The following PXDNL variants were observed in gnomAD, a reference collection of about 807,000 sequenced individuals.
PXDNL encodes probable oxidoreductase PXDNL.
In PXDNL, 145 loss-of-function variants were observed where a neutral mutation model predicts 150.8. That is an observed-to-expected ratio of 0.96 (90% CI 0.84 to 1.10). The LOEUF (loss-of-function observed/expected upper bound fraction) is 1.10. PXDNL is among the 50% of genes least tolerant of loss of function. PXDNL has a pLI of 0.00. For synonymous variants in PXDNL, 757 were observed against 725.7 expected (o/e 1.04, Z -0.69); for missense variants, 2,087 against 1,873.9 (o/e 1.11, Z -2.10).
At chr8:51,451,848 A>G (rs1199532987) in intron 10 of PXDNL, among the ~76,000 whole-genome samples, 1 of 152,214 alleles carries the variant, frequency 6.6e-6, no homozygotes, top group Non-Finnish European at 1.5e-5. Context: ...AAATAAATGT[A>G]TAGAATGATT....
At chr8:51,340,699 A>G (rs1171247383) in intron 20 of PXDNL, among the ~76,000 whole-genome samples, 9 of 152,246 alleles carry the variant, frequency 5.9e-5, no homozygotes, top group Admixed American at 5.9e-4. Context: ...AAAGAAAAAT[A>G]ACAAAAGTTA....
At chr8:51,751,776 TA>T in intron 1 of PXDNL, among the ~76,000 whole-genome samples, 1 of 152,312 alleles carries the variant, frequency 6.6e-6, no homozygotes, top group Middle Eastern at 3.4e-3. Flanking sequence ...TCAATAATCC[TA>T]AAAGAAAATA....
At chr8:51,690,450 G>A (rs1815969496) in intron 1 of PXDNL, among the ~76,000 whole-genome samples, 1 of 152,074 alleles carries the variant, frequency 6.6e-6, no homozygotes, top group Non-Finnish European at 1.5e-5. Context: ...ATAGTTTACT[G>A]AGAATGATGA....
intron 1 of PXDNL, among the ~76,000 whole-genome samples, chr8:51,685,391 A>G (rs956041577): frequency 6.6e-6 from 1 of 152,164 alleles, no homozygotes; most frequent in Non-Finnish European, 1.5e-5. Context: ...ATGTTCCCCA[A>G]TTACTATGGC....
chr8:51,640,251 T>C (rs918510483), intron 2 of PXDNL, among the ~76,000 whole-genome samples: 7 of 152,160 alleles, frequency 4.6e-5, no homozygotes, highest in Non-Finnish European at 1.0e-4. Context: ...AATATCACAC[T>C]GAATGGGCAA....
At chr8:51,574,189 A>C (rs1813003618) in intron 3 of PXDNL, among the ~76,000 whole-genome samples, 1 of 152,036 alleles carries the variant, frequency 6.6e-6, no homozygotes, top group Non-Finnish European at 1.5e-5. Flanking sequence ...AACTTTTTTA[A>C]ACCAGCCTTA....
At chr8:51,757,832 C>T (rs1012314314) in intron 1 of PXDNL, among the ~76,000 whole-genome samples, 20 of 152,084 alleles carry the variant, frequency 1.3e-4, no homozygotes, top group South Asian at 2.1e-4. Context: ...CTGCTGCTTC[C>T]GCCCCTTTTC....
intron 1 of PXDNL, among the ~76,000 whole-genome samples, chr8:51,670,742 C>CCA (rs1815482227): frequency 6.6e-6 from 1 of 151,978 alleles, no homozygotes; most frequent in Non-Finnish European, 1.5e-5. Flanking sequence ...ATTTGTTAAC[C>CCA]CACTGCATGA....
intron 4 of PXDNL, among the ~76,000 whole-genome samples, chr8:51,509,749 C>T (rs748397535): frequency 0.26 from 25,577 of 98,680 alleles, 2,461 homozygotes; most frequent in African/African-American, 0.38. Flanking sequence ...TATACACACA[C>T]ACACACACAC....
chr8:51,718,712 T>A (rs1206146325), intron 1 of PXDNL, among the ~76,000 whole-genome samples: 1 of 152,200 alleles, frequency 6.6e-6, no homozygotes, highest in East Asian at 1.9e-4. Flanking sequence ...GCTTGAAGTA[T>A]CTTGTTTCAC....
At chr8:51,449,941 A>T (rs1809765110) in intron 10 of PXDNL, among the ~76,000 whole-genome samples, 1 of 152,228 alleles carries the variant, frequency 6.6e-6, no homozygotes, top group South Asian at 2.1e-4. Context: ...AAGTAAAGGA[A>T]TCAAGAATGG....
rs1167582806 is a variant in PXDNL, at chr8:51,426,890, G to A, written c.1526-132C>T. 5.1e-6 allele frequency: 3 copies of A among 582,788 alleles called. No homozygotes were observed. The African/African-American group carries it at 5.6e-5, about 11-fold the overall frequency. The allele number at this position is 582,788 out of a possible 1,614,324, so 36.1% of individuals were successfully genotyped here. A position where few individuals can be genotyped will look rare whatever the true frequency, so the allele number is the denominator to read the frequency against. ...CTAGTTTTTTAAAAATCAATTACTT[G>A]GACGTCTAGGGGAATAACAAGCATC... On this transcript the variant is annotated intron_variant, in intron 12 of 22. Transcript: ENST00000356297.
At chr8:51,413,532 C>A (rs1481849728) in intron 14 of PXDNL, among the ~76,000 whole-genome samples, 1 of 151,992 alleles carries the variant, frequency 6.6e-6, no homozygotes, top group Non-Finnish European at 1.5e-5. Context: ...TCCTTTTGAA[C>A]AATGCTGATT....
At chr8:51,791,695 T>C (rs1280324852) in intron 1 of PXDNL, among the ~76,000 whole-genome samples, 1 of 152,194 alleles carries the variant, frequency 6.6e-6, no homozygotes, top group Non-Finnish European at 1.5e-5. Flanking sequence ...TCCCCCTTAG[T>C]AGAGTTAGCT....
intron 1 of PXDNL, among the ~76,000 whole-genome samples, chr8:51,775,352 A>G (rs1368627421): frequency 2.6e-5 from 4 of 152,194 alleles, no homozygotes; most frequent in Non-Finnish European, 5.9e-5. Context: ...CAAAAATACC[A>G]AAACCAACTT....
At chr8:51,797,214 A>G (rs557641846) in intron 1 of PXDNL, among the ~76,000 whole-genome samples, 3 of 152,216 alleles carry the variant, frequency 2.0e-5, no homozygotes, top group Non-Finnish European at 4.4e-5. Flanking sequence ...CACTGCAAAT[A>G]TCACACTGAA....
chr8:51,783,981 C>T (rs551250994), intron 1 of PXDNL, among the ~76,000 whole-genome samples: 1 of 144,328 alleles, frequency 6.9e-6, no homozygotes, highest in South Asian at 2.4e-4. Context: ...GATACACAGA[C>T]TGTGATTAAA....
At chr8:51,566,446 A>T (rs1414730330) in intron 3 of PXDNL, among the ~76,000 whole-genome samples, 1 of 151,804 alleles carries the variant, frequency 6.6e-6, no homozygotes, top group African/African-American at 2.4e-5. Context: ...GAAGGTTATT[A>T]ATTATTGATT....
At chr8:51,579,592 T>C (rs979760525) in intron 3 of PXDNL, among the ~76,000 whole-genome samples, 1 of 151,952 alleles carries the variant, frequency 6.6e-6, no homozygotes, top group African/African-American at 2.4e-5. Flanking sequence ...CTCCAGGATG[T>C]TTATTCTAAA....
Sources: allele counts gnomAD v4.1 joint callset (sites outside exome capture counted in the v4.1 genomes callset), GRCh38; gene constraint gnomAD v4.1.1; transcripts MANE v1.5; gene names NCBI Gene and HGNC (gene_info 2026-07-23, HGNC 2026-07-21).